The following LRRTM4 variants were observed in gnomAD, a reference collection of about 807,000 sequenced individuals.
The protein encoded by LRRTM4 is leucine rich repeat transmembrane neuronal 4.
LRRTM4 carries 25 observed loss-of-function variants against 47.6 expected under a neutral mutation model. The ratio of observed to expected loss-of-function variants is 0.53; its 90% confidence interval spans 0.38 to 0.73. LRRTM4 has a LOEUF of 0.73. LRRTM4 is among the 30% of genes least tolerant of loss of function. The pLI is 0.00. For synonymous variants in LRRTM4, 311 were observed against 269.5 expected, an observed-to-expected ratio of 1.15 and a Z score of -1.51; for missense variants, 638 against 713.4, an observed-to-expected ratio of 0.89 and a Z score of 1.20.
At chr2:77,224,075 T>C (rs572914074) in intron 3 of LRRTM4, among the ~76,000 whole-genome samples, 66 of 151,474 alleles carry the variant, frequency 4.4e-4, no homozygotes, top group African/African-American at 1.5e-3. Context: ...AACTATCTGA[T>C]CTTTGACAAA....
At chr2:76,780,990 C>G (rs967569961) in intron 3 of LRRTM4, among the ~76,000 whole-genome samples, 8 of 152,266 alleles carry the variant, frequency 5.3e-5, no homozygotes, top group Admixed American at 5.2e-4. Context: ...AGAGGACCCT[C>G]AGCTGCAGGT....
chr2:76,780,734 T>C (rs1334836954), intron 3 of LRRTM4, among the ~76,000 whole-genome samples: 2 of 152,148 alleles, frequency 1.3e-5, no homozygotes, highest in Non-Finnish European at 2.9e-5. Flanking sequence ...GTAATTTGAT[T>C]GTCTGAAGTC....
intron 3 of LRRTM4, among the ~76,000 whole-genome samples, chr2:77,385,741 CTTTT>C (rs33978835): frequency 3.2e-4 from 26 of 82,292 alleles, no homozygotes; most frequent in African/African-American, 1.3e-3. Flanking sequence ...GTACATGGTA[CTTTT>C]TTTTTTTTTT....
At chr2:76,993,315 C>G (rs1220179583) in intron 3 of LRRTM4, among the ~76,000 whole-genome samples, 3 of 151,374 alleles carry the variant, frequency 2.0e-5, no homozygotes, top group Admixed American at 6.6e-5. Flanking sequence ...AAAAAGCTAT[C>G]AGTAAACAAT....
rs1226900574 is a variant in LRRTM4, at chr2:77,518,834, G to T, written c.1035C>A (p.Ile345=). The part of the protein sequence containing the change: ...STMICAGPKH[I]QGEKVSDAVE... ...CTGCATCACTAACCTTTTCACCCTG[G>T]ATGTGCTTAGGTCCCGCACATATCA... Residue 345 remains isoleucine, a synonymous_variant, in exon 3 of 4, where the codon ATC becomes ATA. Transcript: ENST00000409884. 2 of 1,609,642 alleles carry T rather than the reference G, an allele frequency of 1.2e-6. No homozygotes were observed. The highest frequency in any genetic ancestry group is 1.7e-6 in the Non-Finnish European group (2 of 1,177,728).
At chr2:76,923,947 A>C (rs1233929308) in intron 3 of LRRTM4, among the ~76,000 whole-genome samples, 2 of 152,038 alleles carry the variant, frequency 1.3e-5, no homozygotes, top group East Asian at 3.9e-4. Context: ...AGGCATCCTC[A>C]ATATTACTGT....
rs28535117 is a variant in LRRTM4, at chr2:76,873,508, A to G, written c.1552-124592T>C. 5.3e-3 allele frequency among the ~76,000 whole-genome samples: 401 copies of G among 75,068 alleles called. 3 individuals are homozygous for G. Among genetic ancestry groups the G allele is most frequent in the East Asian group, 0.018 (24 of 1,298 alleles). 49.2% of individuals were successfully genotyped at this position (75,068 alleles called of 152,430 possible). A position where few individuals can be genotyped will look rare whatever the true frequency, so the allele number is the denominator to read the frequency against. On this transcript the variant is annotated intron_variant, in intron 3 of 3. Transcript: ENST00000409884. ...TGTGTGTGTGTATATATATGTGTGTATATATATATATATATATATATATAT... is the reference window on the plus strand; with the variant it reads ...TGTGTGTGTGTATATATATGTGTGTGTATATATATATATATATATATATAT...
chr2:76,937,268 A>G (rs1674987323), intron 3 of LRRTM4, among the ~76,000 whole-genome samples: 1 of 152,134 alleles, frequency 6.6e-6, no homozygotes, highest in Non-Finnish European at 1.5e-5. Flanking sequence ...ATATTTATGA[A>G]GTTTATTAAC....
intron 3 of LRRTM4, among the ~76,000 whole-genome samples, chr2:76,784,224 T>C (rs1226649277): frequency 6.6e-6 from 1 of 152,094 alleles, no homozygotes; most frequent in African/African-American, 2.4e-5. Flanking sequence ...TCCAATTTCT[T>C]TTATTAAATA....
At chr2:77,334,088 T>C (rs1302455512) in intron 3 of LRRTM4, among the ~76,000 whole-genome samples, 1 of 152,178 alleles carries the variant, frequency 6.6e-6, no homozygotes, top group East Asian at 1.9e-4. Flanking sequence ...AATTCTCCCA[T>C]TTGGAATGGC....
intron 3 of LRRTM4, among the ~76,000 whole-genome samples, chr2:77,448,071 G>A (rs1676121625): frequency 6.6e-6 from 1 of 152,168 alleles, no homozygotes; most frequent in East Asian, 1.9e-4. Flanking sequence ...AATAAATTAT[G>A]AAAATGTTCC....
chr2:76,909,137 A>G (rs1673957473), intron 3 of LRRTM4, among the ~76,000 whole-genome samples: 2 of 152,340 alleles, frequency 1.3e-5, no homozygotes, highest in Non-Finnish European at 1.5e-5. Flanking sequence ...CACTGGCACC[A>G]AAACAGAGAT....
intron 3 of LRRTM4, among the ~76,000 whole-genome samples, chr2:76,781,410 G>T (rs959228588): frequency 1.3e-5 from 2 of 152,242 alleles, no homozygotes; most frequent in African/African-American, 4.8e-5. Context: ...GCGAGACTCC[G>T]TGGGCGTAGG....
At chr2:77,296,844 T>C (rs1676988211) in intron 3 of LRRTM4, among the ~76,000 whole-genome samples, 5 of 152,202 alleles carry the variant, frequency 3.3e-5, no homozygotes, top group Non-Finnish European at 7.3e-5. Flanking sequence ...AGCAGTACTT[T>C]GGTAAAGGAA....
chr2:76,749,751 A>G (rs1672783593), intron 3 of LRRTM4, among the ~76,000 whole-genome samples: 1 of 152,226 alleles, frequency 6.6e-6, no homozygotes, highest in Non-Finnish European at 1.5e-5. Flanking sequence ...ATTAAGCCAT[A>G]AATTTCTGAT....
At chr2:77,299,126 G>A (rs912257722) in intron 3 of LRRTM4, among the ~76,000 whole-genome samples, 15 of 151,888 alleles carry the variant, frequency 9.9e-5, no homozygotes, top group Non-Finnish European at 1.9e-4. Flanking sequence ...ACAAATATAG[G>A]AATAGCAATT....
At chr2:77,083,795 T>G (rs55933843) in intron 3 of LRRTM4, among the ~76,000 whole-genome samples, 13,308 of 59,930 alleles carry the variant, frequency 0.22, 553 homozygotes, top group East Asian at 0.4. Context: ...TTTTTTTTTT[T>G]TTTTTTTTTT....
At chr2:77,426,272 T>C (rs1002844814) in intron 3 of LRRTM4, among the ~76,000 whole-genome samples, 2 of 152,204 alleles carry the variant, frequency 1.3e-5, no homozygotes, top group African/African-American at 4.8e-5. Context: ...AGTTCAGCTG[T>C]GATTTAACCT....
intron 3 of LRRTM4, among the ~76,000 whole-genome samples, chr2:77,093,454 C>G (rs1211434202): frequency 6.6e-6 from 1 of 151,410 alleles, no homozygotes; most frequent in African/African-American, 2.5e-5. Context: ...AATGTTTCTT[C>G]TAACATCCCC....
Sources: allele counts gnomAD v4.1 joint callset (sites outside exome capture counted in the v4.1 genomes callset), GRCh38; gene constraint gnomAD v4.1.1; transcripts MANE v1.5; gene names NCBI Gene and HGNC (gene_info 2026-07-23, HGNC 2026-07-21).